Variants in SGCG observed in about 807,000 individuals in gnomAD.
SGCG encodes the protein gamma-sarcoglycan.
SGCG carries 26 observed loss-of-function variants against 29.3 expected under a neutral mutation model. The observed-to-expected ratio is 0.89, with a 90% CI of 0.65 to 1.23. The LOEUF is 1.23. Ranked by LOEUF, SGCG falls within the 50% of genes most tolerant of loss-of-function variation. The pLI is 0.00. For missense variants in SGCG, 353 were observed against 356.0 expected, an observed-to-expected ratio of 0.99 and a Z score of 0.07; for synonymous variants, 145 against 129.7, an observed-to-expected ratio of 1.12 and a Z score of -0.80.
At chr13:23,280,655 A>G (rs953157787) in intron 5 of SGCG, among the ~76,000 whole-genome samples, 2 of 152,178 alleles carry the variant, frequency 1.3e-5, no homozygotes, top group Non-Finnish European at 2.9e-5. Context: ...TTCCATTCCT[A>G]CCTCTGCAAT....
Position 23,285,391 on chromosome 13 carries a change from C to T in SGCG, c.505+5913C>T, listed in dbSNP as rs187407477. ...GATCCACCTAGGTCAACCTTCTCAG[C>T]GGCTTTGTTTGCACTGTGAGGGGAA... On this transcript the variant is annotated intron_variant, in intron 5 of 7. Coordinates refer to ENST00000218867, the MANE Select transcript of SGCG (RefSeq NM_000231.3). 3.9e-3 allele frequency among the ~76,000 whole-genome samples: 600 copies of T among 152,294 alleles called. 3 individuals are homozygous for T. Among genetic ancestry groups the T allele is most frequent in the Non-Finnish European group, 6.2e-3 (420 of 68,034 alleles).
chr13:23,177,194 G>C (rs565110070), upstream of SGCG, among the ~76,000 whole-genome samples: 4 of 152,242 alleles, frequency 2.6e-5, no homozygotes, highest in South Asian at 6.2e-4. Flanking sequence ...GTTGAGAGTA[G>C]AGCAATGATT....
At chr13:23,192,442 G>A (rs897052456) in intron 1 of SGCG, among the ~76,000 whole-genome samples, 1 of 152,080 alleles carries the variant, frequency 6.6e-6, no homozygotes, top group African/African-American at 2.4e-5. Context: ...TGCTCAGGCT[G>A]GAGTGCAATG....
chr13:23,204,470 A>G (rs1486997706), intron 2 of SGCG, among the ~76,000 whole-genome samples: 1 of 152,220 alleles, frequency 6.6e-6, no homozygotes, highest in Non-Finnish European at 1.5e-5. Flanking sequence ...TAAATGTAGA[A>G]TGTCTTAATT....
At chr13:23,238,309 C>T (rs1198356568) in intron 3 of SGCG, among the ~76,000 whole-genome samples, 1 of 152,160 alleles carries the variant, frequency 6.6e-6, no homozygotes, top group South Asian at 2.1e-4. Context: ...ACGTGGACAG[C>T]GCTCCAGAGA....
At chr13:23,313,290 AG>A (rs750209609) in intron 6 of SGCG, among the ~76,000 whole-genome samples, 20 of 151,612 alleles carry the variant, frequency 1.3e-4, no homozygotes, top group Non-Finnish European at 2.8e-4. Flanking sequence ...TCAGCCTCCC[AG>A]GTAGCTGGGA....
chr13:23,299,454 ATATT>A (rs1394190695), intron 6 of SGCG, among the ~76,000 whole-genome samples: 9 of 42,664 alleles, frequency 2.1e-4, no homozygotes, highest in African/African-American at 6.8e-4. Context: ...ATATATATAT[ATATT>A]TTTTTTTTTT....
intron 6 of SGCG, among the ~76,000 whole-genome samples, chr13:23,312,116 C>T (rs1882623503): frequency 6.6e-6 from 1 of 152,174 alleles, no homozygotes; most frequent in East Asian, 1.9e-4. Context: ...ATCCAGGTGC[C>T]TGCAAATGAA....
At chr13:23,162,355 C>T in the SGCG span, among the ~76,000 whole-genome samples, 4 of 152,224 alleles carry the variant, frequency 2.6e-5, no homozygotes, top group Admixed American at 2.6e-4. Context: ...TGGCTCACGC[C>T]TGTAATCCCA....
At chr13:23,169,547 T>C in the SGCG span, among the ~76,000 whole-genome samples, 15 of 151,846 alleles carry the variant, frequency 9.9e-5, no homozygotes, top group Admixed American at 9.8e-4. Flanking sequence ...GGCATAGTGG[T>C]GCATGCCTGT....
At chr13:23,182,371 G>A (rs981739316) in intron 1 of SGCG, among the ~76,000 whole-genome samples, 1 of 152,078 alleles carries the variant, frequency 6.6e-6, no homozygotes, top group African/African-American at 2.4e-5. Context: ...CCCAGTGGGA[G>A]GGGAGAAACT....
At chr13:23,219,941 T>G (rs866975245) in intron 2 of SGCG, among the ~76,000 whole-genome samples, 4 of 148,666 alleles carry the variant, frequency 2.7e-5, no homozygotes, top group Non-Finnish European at 5.9e-5. Context: ...GTTCACGCCA[T>G]TCTCCTGCCT....
At chr13:23,290,103 T>C (rs1881642346) in intron 5 of SGCG, among the ~76,000 whole-genome samples, 1 of 152,124 alleles carries the variant, frequency 6.6e-6, no homozygotes, top group Non-Finnish European at 1.5e-5. Context: ...AAAGATGATA[T>C]TTGTTTTGGT....
intron 2 of SGCG, among the ~76,000 whole-genome samples, chr13:23,229,572 G>A (rs1393743097): frequency 2.0e-5 from 3 of 148,854 alleles, no homozygotes; most frequent in Non-Finnish European, 4.5e-5. Flanking sequence ...TGTGCTTTTT[G>A]ACCACATGTG....
chr13:23,255,821 C>G (rs1593200591), intron 4 of SGCG, among the ~76,000 whole-genome samples: 1 of 152,136 alleles, frequency 6.6e-6, no homozygotes, highest in Non-Finnish European at 1.5e-5. Flanking sequence ...ATGCTGTGAA[C>G]TTGCTTCCAA....
intron 1 of SGCG, among the ~76,000 whole-genome samples, chr13:23,189,341 T>C (rs530580812): frequency 6.6e-6 from 1 of 152,142 alleles, no homozygotes; most frequent in Non-Finnish European, 1.5e-5. Context: ...CACGCCTGGC[T>C]ATTTTTTGTA....
At chr13:23,244,538 G>T (rs191235478) in intron 3 of SGCG, 1 of 152,266 alleles carries the variant, frequency 6.6e-6, no homozygotes, top group East Asian at 1.9e-4. Context: ...CAAAAGCACT[G>T]GTTAAAACGT....
chr13:23,165,628 G>A, the SGCG span, among the ~76,000 whole-genome samples: 2 of 151,784 alleles, frequency 1.3e-5, no homozygotes, highest in African/African-American at 2.4e-5. Flanking sequence ...GGGTTCAAGC[G>A]ATTCTGCTGC....
At chr13:23,293,706 C>T (rs143908329) in intron 5 of SGCG, among the ~76,000 whole-genome samples, 46 of 152,146 alleles carry the variant, frequency 3.0e-4, no homozygotes, top group African/African-American at 1.1e-3. Context: ...GTGGTGGGCA[C>T]CTGTAGTCCC....
Sources: allele counts gnomAD v4.1 joint callset (sites outside exome capture counted in the v4.1 genomes callset), GRCh38; gene constraint gnomAD v4.1.1; transcripts MANE v1.5; gene names NCBI Gene and HGNC (gene_info 2026-07-23, HGNC 2026-07-21).